The following CNTNAP4 variants were observed in gnomAD, a reference collection of about 807,000 sequenced individuals.
CNTNAP4 encodes the protein contactin associated protein family member 4.
CNTNAP4 carries 98 observed loss-of-function variants against 148.4 expected under a neutral mutation model. The ratio of observed to expected loss-of-function variants is 0.66; its 90% confidence interval spans 0.56 to 0.78. The LOEUF is 0.78. Among genes scored for constraint, CNTNAP4 ranks in the 30% least tolerant of loss-of-function variants. CNTNAP4 has a pLI of 0.00. For synonymous variants in CNTNAP4, 730 were observed against 565.1 expected, an observed-to-expected ratio of 1.29 and a Z score of -4.14; for missense variants, 1,935 against 1,565.6, an observed-to-expected ratio of 1.24 and a Z score of -3.98.
chr16:76,373,292 G>A (rs549583553), intron 3 of CNTNAP4, among the ~76,000 whole-genome samples: 1 of 151,422 alleles, frequency 6.6e-6, no homozygotes, highest in South Asian at 2.1e-4. Flanking sequence ...ACATAAATAT[G>A]TGAAATATAT....
At chr16:76,368,385 T>C (rs1054352018) in intron 3 of CNTNAP4, among the ~76,000 whole-genome samples, 1 of 152,194 alleles carries the variant, frequency 6.6e-6, no homozygotes, top group Non-Finnish European at 1.5e-5. Context: ...CGTATGTTTA[T>C]TGCAGCACTA....
intron 15 of CNTNAP4, among the ~76,000 whole-genome samples, chr16:76,508,547 T>C (rs1174407755): frequency 1.1e-5 from 1 of 94,872 alleles, no homozygotes; most frequent in Non-Finnish European, 3.0e-5. Context: ...TTTGTTCACT[T>C]TTTTATTACC....
rs759580311 is a variant in CNTNAP4 at position 76,548,295 on chromosome 16, C to CATTTTTTTTTTTT, written c.3443-4988_3443-4987insATTTTTTTTTTTT. ...CCCTGGCTCTCTTGATTCACTGCAC[C>CATTTTTTTTTTTT]TTTTTTTTTTTTTTTTTTTTTTTTG... On this transcript the variant is annotated intron_variant, in intron 21 of 23. Coordinates refer to ENST00000611870, the MANE Select transcript of CNTNAP4 (RefSeq NM_033401.5). 1.9e-4 allele frequency among the ~76,000 whole-genome samples: 18 copies of CATTTTTTTTTTTT among 92,932 alleles called. 7 individuals carry two copies. Among genetic ancestry groups the CATTTTTTTTTTTT allele is most frequent in the East Asian group, 7.2e-4 (2 of 2,768 alleles). 61.0% of individuals were successfully genotyped at this position (92,932 alleles called of 152,430 possible).
At chr16:76,525,405 A>G (rs1052536201) in intron 17 of CNTNAP4, among the ~76,000 whole-genome samples, 34 of 150,840 alleles carry the variant, frequency 2.3e-4, no homozygotes, top group Admixed American at 6.6e-4. Flanking sequence ...CAATTAAAAA[A>G]ATCTGTCTAT....
At chr16:76,551,521 G>C (rs34205243) in intron 21 of CNTNAP4, among the ~76,000 whole-genome samples, 45,748 of 151,860 alleles carry the variant, frequency 0.3, 7,038 homozygotes, top group African/African-American at 0.36. Flanking sequence ...TGAAAGCAGA[G>C]TAAAGGAAAG....
chr16:76,306,062 G>T (rs1349284554), intron 1 of CNTNAP4, among the ~76,000 whole-genome samples: 1 of 152,134 alleles, frequency 6.6e-6, no homozygotes, highest in Non-Finnish European at 1.5e-5. Context: ...GTCCACCACT[G>T]GTGGGCACCT....
At chr16:76,457,428 A>T (rs985198691) in intron 8 of CNTNAP4, among the ~76,000 whole-genome samples, 2 of 152,224 alleles carry the variant, frequency 1.3e-5, no homozygotes, top group African/African-American at 2.4e-5. Context: ...ACTTCATTCT[A>T]TTCACAACCT....
intron 3 of CNTNAP4, among the ~76,000 whole-genome samples, chr16:76,381,074 A>G (rs1028381697): frequency 2.6e-5 from 4 of 152,194 alleles, no homozygotes; most frequent in Non-Finnish European, 5.9e-5. Flanking sequence ...CCAGTTACAC[A>G]CAATTACTTT....
chr16:76,328,731 C>T (rs866977586), intron 2 of CNTNAP4, among the ~76,000 whole-genome samples: 1 of 152,130 alleles, frequency 6.6e-6, no homozygotes, highest in South Asian at 2.1e-4. Flanking sequence ...CTGCAACCTC[C>T]GCCTCCCAGG....
At chr16:76,525,449 GA>G (rs1192107002) in intron 17 of CNTNAP4, among the ~76,000 whole-genome samples, 1 of 147,686 alleles carries the variant, frequency 6.8e-6, no homozygotes, top group Non-Finnish European at 1.5e-5. Flanking sequence ...TATAGAGAGA[GA>G]AAAAATGTAT....
At chr16:76,330,418 A>C (rs1201255053) in intron 2 of CNTNAP4, among the ~76,000 whole-genome samples, 1 of 152,166 alleles carries the variant, frequency 6.6e-6, no homozygotes, top group Non-Finnish European at 1.5e-5. Flanking sequence ...TCAATAAATA[A>C]AATTTAAAGC....
chr16:76,354,576 A>C (rs1468088798), intron 2 of CNTNAP4, among the ~76,000 whole-genome samples: 2 of 152,128 alleles, frequency 1.3e-5, no homozygotes. Context: ...CAGAGTTTGC[A>C]GTTTCCGTGG....
chr16:76,467,382 G>A lies in CNTNAP4; in HGVS notation c.1514G>A (p.Cys505Tyr), dbSNP rs771148127. ...GCPDKSFGSK[C>Y]KSPLGGFQGC... ...CCTGACAAAAGCTTTGGATCCAAAT[G>A]TAAAAGTCCACTTGGTGGATTTCAG... The change falls in exon 10 of 24, where the codon TGT (cysteine) becomes TAT (tyrosine). Residue 505 changes from cysteine (C) to tyrosine (Y), a missense_variant. Coordinates refer to ENST00000611870, the MANE Select transcript of CNTNAP4 (RefSeq NM_033401.5). 1.2e-6 allele frequency: 2 copies of A among 1,613,894 alleles called. No homozygotes were observed. The highest frequency in any genetic ancestry group is 1.7e-6 in the Non-Finnish European group (2 of 1,179,848).
intron 17 of CNTNAP4, among the ~76,000 whole-genome samples, chr16:76,529,169 CCTGT>C (rs1280594505): frequency 4.7e-4 from 72 of 152,248 alleles, no homozygotes; most frequent in African/African-American, 1.4e-3. Context: ...CTCTTTGTAG[CCTGT>C]CTTTCTCCAT....
At chr16:76,304,262 A>C (rs1960260289) in intron 1 of CNTNAP4, among the ~76,000 whole-genome samples, 1 of 152,154 alleles carries the variant, frequency 6.6e-6, no homozygotes. Flanking sequence ...AGGAGGCTTC[A>C]AGAGCTACAC....
At chr16:76,321,807 A>G (rs1298276330) in intron 2 of CNTNAP4, among the ~76,000 whole-genome samples, 3 of 142,120 alleles carry the variant, frequency 2.1e-5, no homozygotes, top group Non-Finnish European at 3.1e-5. Flanking sequence ...AAAAAAAAAA[A>G]CTTTATAATA....
At chr16:76,522,687 C>CTTTCT (rs71378619) in intron 17 of CNTNAP4, among the ~76,000 whole-genome samples, 1,111 of 29,680 alleles carry the variant, frequency 0.037, 64 homozygotes, top group Middle Eastern at 0.097. Flanking sequence ...TCTTTCTCTC[C>CTTTCT]TTTCTTTTCT....
intron 12 of CNTNAP4, among the ~76,000 whole-genome samples, chr16:76,480,119 G>C (rs193255735): frequency 2.3e-4 from 35 of 152,022 alleles, no homozygotes; most frequent in African/African-American, 8.0e-4. Context: ...GGAGGTCCTA[G>C]ACAGTGCAAT....
chr16:76,412,229 A>T (rs1321660780), intron 3 of CNTNAP4, among the ~76,000 whole-genome samples: 1 of 151,438 alleles, frequency 6.6e-6, no homozygotes, highest in East Asian at 1.9e-4. Context: ...ATATAGCAGT[A>T]TTTAAAAATC....
Sources: allele counts gnomAD v4.1 joint callset (sites outside exome capture counted in the v4.1 genomes callset), GRCh38; gene constraint gnomAD v4.1.1; transcripts MANE v1.5; gene names NCBI Gene and HGNC (gene_info 2026-07-23, HGNC 2026-07-21).